JUP: variants seen among roughly 807,000 people sequenced by gnomAD.
The protein encoded by JUP is catenin (cadherin-associated protein), gamma 80kDa.
A neutral mutation model predicts 71.1 loss-of-function variants in JUP; 28 were observed. The observed-to-expected ratio is 0.39, with a 90% confidence interval of 0.29 to 0.54. The LOEUF (loss-of-function observed/expected upper bound fraction) is 0.54, where lower values mean the gene tolerates loss of function less well. JUP is among the 20% of genes least tolerant of loss of function. The pLI is 0.62. For missense variants in JUP, 869 were observed against 1,030.1 expected (o/e 0.84, Z 2.14); for synonymous variants, 401 against 438.9 (o/e 0.91, Z 1.08).
intron 1 of JUP, among the ~76,000 whole-genome samples, chr17:41,774,985 C>A (rs1555608220): frequency 6.6e-6 from 1 of 151,946 alleles, no homozygotes; most frequent in African/African-American, 2.4e-5. Flanking sequence ...CACCTGTAAT[C>A]CCAGCTACTC....
In JUP at chr17:41,770,307, G is replaced by A. The variant is rs994851939; in HGVS notation, c.209-630C>T. ...CAGGAGCTGGGTCCTCAGCTGAGACGTCAGGTTCCTCTCTAGCTTCCATCC... is the reference window on the plus strand; with the variant it reads ...CAGGAGCTGGGTCCTCAGCTGAGACATCAGGTTCCTCTCTAGCTTCCATCC... On this transcript the variant is annotated intron_variant, in intron 2 of 13. Transcript: ENST00000393931. Among the ~76,000 whole-genome samples, 19 of 152,280 alleles carry A rather than the reference G, an allele frequency of 1.2e-4. No homozygotes were observed. The South Asian group carries it at 3.5e-3, about 28-fold the overall frequency.
At chr17:41,756,112 TCACACA>T in intron 13 of JUP, 57 bp downstream of exon 13, 1 of 1,530,634 alleles carries the variant, frequency 6.5e-7, no homozygotes, top group Non-Finnish European at 9.0e-7. Context: ...TATTGTCCCC[TCACACA>T]CACCCACACA....
At chr17:41,756,260 G>T (rs1287982018) in intron 12 of JUP, 46 bp from the exon 13 acceptor site, 1 of 1,585,146 alleles carries the variant, frequency 6.3e-7, no homozygotes, top group African/African-American at 1.3e-5. Context: ...GAAAATGCAG[G>T]CTCCGAGCTG....
chr17:41,755,887 C>A lies in JUP; in HGVS notation c.2095G>T (p.Ala699Ser), dbSNP rs782532135. 2.5e-6 allele frequency: 4 copies of A among 1,608,392 alleles called. No individual in the cohort carries two copies. The African/African-American group carries it at 5.3e-5, about 22-fold the overall frequency. The change falls in exon 14 of 14, where the codon GCC (alanine) becomes TCC (serine). Residue 699 changes from alanine (A) to serine (S), a missense_variant. Coordinates refer to ENST00000393931, the MANE Select transcript of JUP (RefSeq NM_002230.4). ...INEPYGDDMD[A>S]TYRPMYSSDV... ...CTGGAGTACATGGGGCGGTAGGTGG[C>A]ATCCATGTCTGGGGACAAAAAGTGG...
Position 41,763,034 on chromosome 17 carries a change from G to T in JUP, c.1446C>A (p.Ile482=), listed in dbSNP as rs1456308434. The change falls in exon 8 of 14, where the codon ATC becomes ATA. Residue 482 remains isoleucine (I), a synonymous_variant. Coordinates refer to ENST00000393931, the MANE Select transcript of JUP (RefSeq NM_002230.4). ...AQNSVRLNYG[I]PAIVKLLNQP... is the part of the protein sequence containing the mutation. ...GGTTGAGCAGCTTCACGATGGCTGG[G>T]ATGCCATAGTTGAGACGCACAGAGT... 1 of 1,614,038 alleles carries T rather than the reference G, an allele frequency of 6.2e-7. No individual in the cohort carries two copies. The highest frequency in any genetic ancestry group is 8.5e-7 in the Non-Finnish European group (1 of 1,180,018).
chr17:41,785,457 C>A (rs369724460), intron 1 of JUP, among the ~76,000 whole-genome samples: 5 of 152,116 alleles, frequency 3.3e-5, no homozygotes, highest in African/African-American at 9.7e-5. Flanking sequence ...TTCCACCCCC[C>A]ACCCCGGCCC....
At chr17:41,774,726 C>G (rs1555608148) in intron 1 of JUP, among the ~76,000 whole-genome samples, 1 of 152,172 alleles carries the variant, frequency 6.6e-6, no homozygotes, top group Middle Eastern at 3.2e-3. Context: ...ACTAGACAAG[C>G]CTGGGTGGAG....
chr17:41,763,746 G>A (rs1915261391), intron 7 of JUP, among the ~76,000 whole-genome samples: 1 of 152,142 alleles, frequency 6.6e-6, no homozygotes, highest in African/African-American at 2.4e-5. Context: ...GCTGAGCCAT[G>A]TCTACTCGCT....
chr17:41,780,923 G>C (rs1399477587), intron 1 of JUP, among the ~76,000 whole-genome samples: 1 of 152,028 alleles, frequency 6.6e-6, no homozygotes, highest in Non-Finnish European at 1.5e-5. Flanking sequence ...GCTCACGCCT[G>C]TAATCCCAGC....
intron 2 of JUP, 65 bp from the exon 3 acceptor site, chr17:41,769,742 CA>C: frequency 6.4e-7 from 1 of 1,561,358 alleles, no homozygotes; most frequent in South Asian, 1.2e-5. Context: ...GGGAGCAGGG[CA>C]GGCCACAGAC....
chr17:41,756,270 G>C, intron 12 of JUP, 56 bp from the exon 13 acceptor site: 1 of 1,556,416 alleles, frequency 6.4e-7, no homozygotes, highest in Non-Finnish European at 8.8e-7. Flanking sequence ...GCTCCGAGCT[G>C]GATCTCAGCT....
intron 2 of JUP, among the ~76,000 whole-genome samples, chr17:41,770,477 TG>T: frequency 6.6e-6 from 1 of 152,284 alleles, no homozygotes; most frequent in East Asian, 1.9e-4. Flanking sequence ...CTTTCCCACC[TG>T]GATGCTGTAC....
intron 1 of JUP, among the ~76,000 whole-genome samples, chr17:41,778,123 G>A (rs563934958): frequency 6.6e-6 from 1 of 152,318 alleles, no homozygotes; most frequent in Admixed American, 6.5e-5. Context: ...CTCAATAACA[G>A]CAGCTCCGAT....
chr17:41,779,232 G>C (rs1212906315), intron 1 of JUP, among the ~76,000 whole-genome samples: 76 of 143,324 alleles, frequency 5.3e-4, no homozygotes, highest in African/African-American at 1.8e-3. Context: ...GCAAAACTCC[G>C]TCTCAAAAAA....
intron 1 of JUP, among the ~76,000 whole-genome samples, chr17:41,776,648 G>T (rs1412137940): frequency 6.6e-6 from 1 of 152,210 alleles, no homozygotes; most frequent in African/African-American, 2.4e-5. Flanking sequence ...GGTGATTGAG[G>T]CTGCAGTGAG....
rs782535119 is a variant in JUP, at chr17:41,767,523, C to T, written c.765G>A (p.Leu255=). 5.6e-6 allele frequency: 9 copies of T among 1,613,616 alleles called. No individual in the cohort carries two copies. In the Admixed American group the frequency reaches 6.7e-5, roughly 12 times the overall value. Residue 255 remains leucine, a synonymous_variant, in exon 5 of 14, where the codon CTG becomes CTA. Coordinates refer to ENST00000393931, the MANE Select transcript of JUP (RefSeq NM_002230.4). ...YAITTLHNLL[L]YQEGAKMAVR... ...CGGCCATCTTGGCGCCCTCCTGGTA[C>T]AGGAGCAGGTTGTGCAGCGTGGTGA...
chr17:41,775,914 A>C (rs1567827436), intron 1 of JUP: 1 of 967,572 alleles, frequency 1.0e-6, no homozygotes, highest in Non-Finnish European at 1.2e-6. Context: ...CGGGCACCCT[A>C]AATCCAAGAC....
Position 41,763,109 on chromosome 17 carries a change from G to A in JUP, c.1371C>T (p.Cys457=), listed in dbSNP as rs531692563. The A allele has an allele frequency of 5.0e-5, 80 of 1,614,190 alleles. No homozygotes were observed. The highest frequency in any genetic ancestry group is 4.8e-4 in the South Asian group (44 of 91,088). Reference sequence around the variant, plus strand: ...GGCGGCTAGTGAGGTGGCGCAGAGCGCAGACGGCAGGCTCCGTGATGTCGT... The same window carrying A: ...GGCGGCTAGTGAGGTGGCGCAGAGCACAGACGGCAGGCTCCGTGATGTCGT... ...DKDDITEPAV[C]ALRHLTSRHP... The change falls in exon 8 of 14, where the codon TGC becomes TGT. Residue 457 remains cysteine (C), a synonymous_variant. Coordinates refer to ENST00000393931, the MANE Select transcript of JUP (RefSeq NM_002230.4).
intron 1 of JUP, among the ~76,000 whole-genome samples, chr17:41,779,504 T>C (rs146533495): frequency 0.03 from 4,511 of 151,672 alleles, 194 homozygotes; most frequent in African/African-American, 0.1. Context: ...ATTCTTTGTA[T>C]TTTTTAGTAG....
Sources: allele counts gnomAD v4.1 joint callset (sites outside exome capture counted in the v4.1 genomes callset), GRCh38; gene constraint gnomAD v4.1.1; transcripts MANE v1.5; gene names NCBI Gene and HGNC (gene_info 2026-07-23, HGNC 2026-07-21).